Variants in EIF4E2 observed in about 807,000 individuals in gnomAD.
EIF4E2 encodes eukaryotic translation initiation factor 4E family member 2, also known as eukaryotic translation initiation factor 4E type 2.
In EIF4E2, 13 loss-of-function variants were observed where a neutral mutation model predicts 34.2. The observed-to-expected ratio is 0.38, with a 90% CI of 0.25 to 0.60. The LOEUF is 0.60. Among genes scored for constraint, EIF4E2 ranks in the 20% least tolerant of loss-of-function variants. The pLI is 0.62. For missense variants in EIF4E2, 222 were observed against 315.1 expected (o/e 0.70, Z 2.24); for synonymous variants, 100 against 106.6 (o/e 0.94, Z 0.38).
At chr2:232,569,559 G>C (rs1002646461), downstream of EIF4E2, among the ~76,000 whole-genome samples, 6 of 152,142 alleles carry the variant, frequency 3.9e-5, no homozygotes, top group African/African-American at 1.4e-4. Flanking sequence ...CCTTTGCTTC[G>C]CTGACTTCCA....
chr2:232,571,114 T>G (rs1693081010), downstream of EIF4E2, among the ~76,000 whole-genome samples: 1 of 152,230 alleles, frequency 6.6e-6, no homozygotes, highest in Non-Finnish European at 1.5e-5. Context: ...CCCAATGTCC[T>G]TCTTCAACCG....
intron 3 of EIF4E2, among the ~76,000 whole-genome samples, chr2:232,563,762 T>C (rs929809644): frequency 6.6e-6 from 1 of 152,256 alleles, no homozygotes; most frequent in African/African-American, 2.4e-5. Flanking sequence ...CTAAGAGGTA[T>C]TTCATTCAGC....
intron 3 of EIF4E2, among the ~76,000 whole-genome samples, chr2:232,563,054 C>T (rs1052751773): frequency 1.3e-5 from 2 of 152,198 alleles, no homozygotes; most frequent in African/African-American, 4.8e-5. Context: ...AGAAGTATGA[C>T]CTGAATCTTT....
At chr2:232,563,093 C>T (rs1656399) in intron 3 of EIF4E2, among the ~76,000 whole-genome samples, 46,302 of 152,136 alleles carry the variant, frequency 0.3, 7,584 homozygotes, top group Admixed American at 0.41. Flanking sequence ...GTCAGCTCCA[C>T]AGTTGTGGTA....
At chr2:232,564,431 A>C in intron 4 of EIF4E2, 80 bp downstream of exon 4, 1 of 674,084 alleles carries the variant, frequency 1.5e-6, no homozygotes, top group Non-Finnish European at 2.4e-6. Flanking sequence ...GCCAAGGTTA[A>C]AAGTATTTTA....
At chr2:232,559,833 A>C (rs1273304534) in intron 3 of EIF4E2, among the ~76,000 whole-genome samples, 1 of 151,524 alleles carries the variant, frequency 6.6e-6, no homozygotes, top group African/African-American at 2.4e-5. Context: ...TTAAAAAAAA[A>C]AAAAAAAAAA....
At chr2:232,561,205 G>C (rs1367167436) in intron 3 of EIF4E2, among the ~76,000 whole-genome samples, 1 of 151,912 alleles carries the variant, frequency 6.6e-6, no homozygotes, top group Non-Finnish European at 1.5e-5. Context: ...AGGCCAAGGT[G>C]GGAGGATCGC....
chr2:232,567,808 C>G, intron 6 of EIF4E2: 1 of 985,678 alleles, frequency 1.0e-6, no homozygotes, highest in Non-Finnish European at 1.2e-6. Flanking sequence ...AGCTCTCTGT[C>G]CACAGTGAGA....
downstream of EIF4E2, chr2:232,569,293 A>C: frequency 8.0e-7 from 1 of 1,244,212 alleles, no homozygotes; most frequent in South Asian, 2.5e-5. Flanking sequence ...GGGATGGCAC[A>C]GACTTTTCCA....
chr2:232,574,928 G>C (rs925860688), intron 6 of EIF4E2, among the ~76,000 whole-genome samples: 1 of 152,170 alleles, frequency 6.6e-6, no homozygotes, highest in African/African-American at 2.4e-5. Flanking sequence ...TACAAAGACT[G>C]GGCCAACTAA....
At chr2:232,575,244 C>G (rs751165156) in intron 6 of EIF4E2, among the ~76,000 whole-genome samples, 1 of 152,172 alleles carries the variant, frequency 6.6e-6, no homozygotes, top group Admixed American at 6.5e-5. Flanking sequence ...GCATCCCTCC[C>G]GTGGGCTAGA....
chr2:232,551,970 G>T (rs964341117), intron 1 of EIF4E2, among the ~76,000 whole-genome samples: 1 of 151,988 alleles, frequency 6.6e-6, no homozygotes, highest in Non-Finnish European at 1.5e-5. Flanking sequence ...CCTCTCCCCC[G>T]CTGCCGCCCC....
chr2:232,581,184 T>G lies in EIF4E2; in HGVS notation c.*241T>G. The G allele has an allele frequency of 1.6e-6, 1 of 635,514 alleles. No homozygotes were observed. Among genetic ancestry groups the G allele is most frequent in the Admixed American group, 2.1e-5 (1 of 47,216 alleles). The allele number at this position is 635,514 out of a possible 1,614,324, so 39.4% of individuals were successfully genotyped here. ...AGACAAACATTGTTTTTTAATGGGGTTCCATGGGGGGGCGTTCAGCCTTTC... is the reference window on the plus strand; with the variant it reads ...AGACAAACATTGTTTTTTAATGGGGGTCCATGGGGGGGCGTTCAGCCTTTC... On this transcript the variant is annotated 3_prime_UTR_variant, in exon 7 of 7. Transcript: ENST00000409098. This position sits in a 1 kb window ranked among gnomAD's most constrained non-coding sequence, Gnocchi z 5.2.
At chr2:232,558,780 G>A (rs560577694) in intron 3 of EIF4E2, 2 of 152,256 alleles carry the variant, frequency 1.3e-5, no homozygotes, top group African/African-American at 2.4e-5. Flanking sequence ...GGTTTTGGCT[G>A]TATTAATGAT....
intron 6 of EIF4E2, 46 bp from the exon 7 acceptor site, chr2:232,568,899 C>G (rs1037978219): frequency 1.2e-6 from 2 of 1,613,190 alleles, no homozygotes; most frequent in South Asian, 1.1e-5. Context: ...CTTGCGTCCC[C>G]CTCTCTTTCC....
At chr2:232,553,551 G>T (rs1447900408) in intron 1 of EIF4E2, among the ~76,000 whole-genome samples, 1 of 152,230 alleles carries the variant, frequency 6.6e-6, no homozygotes, top group Non-Finnish European at 1.5e-5. Flanking sequence ...GCTAACTAAA[G>T]TGCCTCTCAG....
downstream of EIF4E2, among the ~76,000 whole-genome samples, chr2:232,570,825 G>A (rs4973544): frequency 0.81 from 123,372 of 152,102 alleles, 50,647 homozygotes; most frequent in African/African-American, 0.94. Context: ...AATCTCAGCT[G>A]CTCGGGGAGG....
At chr2:232,571,210 C>T (rs1023585692), downstream of EIF4E2, among the ~76,000 whole-genome samples, 6 of 152,224 alleles carry the variant, frequency 3.9e-5, no homozygotes, top group Admixed American at 2.0e-4. Context: ...CACTGCCTGC[C>T]GCACAGAGCA....
At chr2:232,568,172 A>C (rs1484920634) in intron 6 of EIF4E2, 2 of 985,202 alleles carry the variant, frequency 2.0e-6, no homozygotes, top group Non-Finnish European at 2.4e-6. Context: ...CATTAGTAAG[A>C]ATATCATCAT....
Sources: allele counts gnomAD v4.1 joint callset (sites outside exome capture counted in the v4.1 genomes callset), GRCh38; gene constraint gnomAD v4.1.1; non-coding constraint Gnocchi (gnomAD v3.1); transcripts MANE v1.5; gene names NCBI Gene and HGNC (gene_info 2026-07-23, HGNC 2026-07-21).